The following IPO9 variants were observed in gnomAD, a reference collection of about 807,000 sequenced individuals.
IPO9 encodes the protein importin-9.
IPO9 carries 28 observed loss-of-function variants against 128.6 expected under a neutral mutation model. The observed-to-expected ratio is 0.22, with a 90% CI of 0.16 to 0.30. The LOEUF is 0.30. Ranked by LOEUF, IPO9 falls within the 10% of genes least tolerant of loss-of-function variation. The pLI, the probability that IPO9 is intolerant of heterozygous loss-of-function variation, is 1.00. For missense variants in IPO9, 935 were observed against 1,293.9 expected, an observed-to-expected ratio of 0.72 and a Z score of 4.26; for synonymous variants, 455 against 475.8, an observed-to-expected ratio of 0.96 and a Z score of 0.57.
chr1:201,833,270 G>T (rs1461252572), intron 1 of IPO9, among the ~76,000 whole-genome samples: 1 of 149,384 alleles, frequency 6.7e-6, no homozygotes, highest in East Asian at 2.0e-4. Flanking sequence ...ACAGAGTCTC[G>T]CTCTGTCACC....
chr1:201,864,575 A>G (rs1452565521), intron 14 of IPO9, among the ~76,000 whole-genome samples: 1 of 152,182 alleles, frequency 6.6e-6, no homozygotes, highest in South Asian at 2.1e-4. Flanking sequence ...TTCATTGGAG[A>G]ATTATCCACT....
At chr1:201,845,782 A>C (rs930000756) in intron 1 of IPO9, among the ~76,000 whole-genome samples, 7 of 152,212 alleles carry the variant, frequency 4.6e-5, no homozygotes, top group African/African-American at 1.2e-4. Flanking sequence ...CAGCCACATT[A>C]CAGGTACTTA....
intron 12 of IPO9, 121 bp downstream of exon 12, chr1:201,858,674 T>C (rs1680379002): frequency 1.2e-6 from 1 of 805,970 alleles, no homozygotes. Flanking sequence ...TAACAGATTT[T>C]AATCTCTTAT....
At chr1:201,857,221 C>T in intron 11 of IPO9, 27 bp downstream of exon 11, 3 of 1,384,642 alleles carry the variant, frequency 2.2e-6, no homozygotes, top group Non-Finnish European at 2.1e-6. Context: ...ACTTCAGCCA[C>T]ATAATTTCTA....
At position 201,881,415 on chromosome 1, in the gene IPO9, GT is replaced by G. The variant is rs1680881854; in HGVS notation, c.*5365del. 6.6e-6 allele frequency: 1 copy of G among 152,180 alleles called. No homozygotes were observed. Among genetic ancestry groups the G allele is most frequent in the African/African-American group, 2.4e-5 (1 of 41,438 alleles). The allele number at this position is 152,180 out of a possible 1,614,324, so 9.4% of individuals were successfully genotyped here. On this transcript the variant is annotated 3_prime_UTR_variant, in exon 24 of 24. Coordinates refer to ENST00000361565, the MANE Select transcript of IPO9 (RefSeq NM_018085.5). Reference sequence around the variant, plus strand: ...AGCAGCTTGTACTTGTTGCCTATTTGTTTTGCCTTTCCTGTGCATTTGCCAG... The same window carrying G: ...AGCAGCTTGTACTTGTTGCCTATTTGTTTGCCTTTCCTGTGCATTTGCCAG...
chr1:201,834,217 T>G lies in IPO9; in HGVS notation c.163+4845T>G, dbSNP rs901930756. Among the ~76,000 whole-genome samples the G allele has an allele frequency of 7.2e-5, 11 of 151,842 alleles. No homozygotes were observed. The East Asian group carries it at 2.1e-3, about 29-fold the overall frequency. ...AAAAACTTTTCTTTTCTTTTTTTTT[T>G]TTGTTGCACTGCTAAGAGTCTAAAG... On this transcript the variant is annotated intron_variant, in intron 1 of 23. Transcript: ENST00000361565.
chr1:201,873,917 A>G (rs1369255153), intron 20 of IPO9, among the ~76,000 whole-genome samples: 1 of 152,136 alleles, frequency 6.6e-6, no homozygotes, highest in African/African-American at 2.4e-5. Flanking sequence ...TTTAATGTAG[A>G]TTTATAATTA....
rs1333326451 is a variant in IPO9 at position 201,880,552 on chromosome 1, A to G, written c.*4498A>G. Reference sequence around the variant, plus strand: ...AATACATACTATACTTTTGCACCCCAGCTAAGCTGACCCATGATCAGTAAG... The same window carrying G: ...AATACATACTATACTTTTGCACCCCGGCTAAGCTGACCCATGATCAGTAAG... On this transcript the variant is annotated 3_prime_UTR_variant, in exon 24 of 24. Coordinates refer to ENST00000361565, the MANE Select transcript of IPO9 (RefSeq NM_018085.5). The G allele has an allele frequency of 3.3e-5, 5 of 152,232 alleles. No individual in the cohort carries two copies. The highest frequency in any genetic ancestry group is 1.2e-4 in the African/African-American group (5 of 41,452). 9.4% of individuals were successfully genotyped at this position (152,232 alleles called of 1,614,324 possible). A position where few individuals can be genotyped will look rare whatever the true frequency, so the allele number is the denominator to read the frequency against.
rs768340407 is a variant in IPO9 at position 201,876,180 on chromosome 1, C to T, written c.*126C>T. On this transcript the variant is annotated 3_prime_UTR_variant, in exon 24 of 24. Transcript: ENST00000361565. ...CATCTTGACCCTTGGCCCTTGGCCT[C>T]GGCAGTGACACTGATGACAATTCAG... is the stretch of plus-strand genomic sequence containing the variant. 5 of 775,678 alleles carry T rather than the reference C, an allele frequency of 6.4e-6. No individual in the cohort carries two copies. Among genetic ancestry groups the T allele is most frequent in the South Asian group, 4.1e-5 (3 of 72,918 alleles). 48.0% of individuals were successfully genotyped at this position (775,678 alleles called of 1,614,324 possible).
intron 17 of IPO9, 129 bp downstream of exon 17, chr1:201,869,847 G>A (rs1296823733): frequency 1.7e-6 from 2 of 1,181,098 alleles, no homozygotes; most frequent in African/African-American, 3.1e-5. Flanking sequence ...TTACTTAGCA[G>A]ATTCAGGAAG....
chr1:201,853,198 A>T lies in IPO9; in HGVS notation c.690+101A>T, dbSNP rs549573335. On this transcript the variant is annotated intron_variant, in intron 6 of 23. Coordinates refer to ENST00000361565, the MANE Select transcript of IPO9 (RefSeq NM_018085.5). ...GATAGCAGCACGAAAAAGCACACTA[A>T]CCAGTATTAGAGATAGATTTAACAT... 4.6e-6 allele frequency: 4 copies of T among 874,726 alleles called. No homozygotes were observed. The South Asian group carries it at 5.4e-5, about 12-fold the overall frequency. 54.2% of individuals were successfully genotyped at this position (874,726 alleles called of 1,614,324 possible).
intron 9 of IPO9, 146 bp from the exon 10 acceptor site, chr1:201,855,637 C>A: frequency 1.4e-6 from 1 of 690,792 alleles, no homozygotes; most frequent in Non-Finnish European, 2.3e-6. Flanking sequence ...GACCTCTGAG[C>A]CCTCTCTCCC....
rs147180948 is a variant in IPO9 at position 201,835,338 on chromosome 1, A to T, written c.163+5966A>T. On this transcript the variant is annotated intron_variant, in intron 1 of 23. Transcript: ENST00000361565. Reference sequence around the variant, plus strand: ...CCCTTCTAAACCAAGTTTTAGATAGATAATGTTTTTGCCATATGGGGTGAT... The same window carrying T: ...CCCTTCTAAACCAAGTTTTAGATAGTTAATGTTTTTGCCATATGGGGTGAT... Among the ~76,000 whole-genome samples the T allele has an allele frequency of 2.1e-4, 32 of 152,376 alleles. No individual in the cohort carries two copies. The East Asian group carries it at 6.0e-3, about 28-fold the overall frequency.
At chr1:201,847,483 A>G (rs1380859845) in intron 2 of IPO9, 69 bp from the exon 3 acceptor site, 1 of 1,394,534 alleles carries the variant, frequency 7.2e-7, no homozygotes, top group Non-Finnish European at 1.0e-6. Context: ...GTATCAGGCT[A>G]TGTATATAGT....
rs1680598857 is a variant in IPO9, at chr1:201,868,745, G to C, written c.1953G>C (p.Leu651=). 6.2e-7 allele frequency: 1 copy of C among 1,613,792 alleles called. No homozygotes were observed. Among genetic ancestry groups the C allele is most frequent in the African/African-American group, 1.3e-5 (1 of 74,864 alleles). The stretch of plus-strand genomic sequence containing the variant: ...TGCAAATGAGGCTGATTCCCACTCT[G>C]GTCAGCATAATGCAGGCCCCAGCAG... ...GPMQMRLIPT[L]VSIMQAPADK... The change falls in exon 16 of 24, where the codon CTG becomes CTC. Residue 651 remains leucine, a synonymous_variant. Transcript: ENST00000361565.
chr1:201,872,606 AAACAACAACAAC>A (rs147575517), intron 19 of IPO9, among the ~76,000 whole-genome samples: 1 of 147,740 alleles, frequency 6.8e-6, no homozygotes, highest in African/African-American at 2.6e-5. Flanking sequence ...CCTATCTCAA[AAACAACAACAAC>A]AACAACAACA....
intron 12 of IPO9, 109 bp downstream of exon 12, chr1:201,858,662 A>G: frequency 1.2e-6 from 1 of 851,792 alleles, no homozygotes; most frequent in Non-Finnish European, 1.8e-6. Flanking sequence ...GTTTTAATTT[A>G]ATAACAGATT....
At position 201,874,281 on chromosome 1, in the gene IPO9, G is replaced by T. The variant is rs1359730292; in HGVS notation, c.2742G>T (p.Leu914=). Residue 914 remains leucine, a synonymous_variant, in exon 21 of 24, where the codon CTG becomes CTT. Coordinates refer to ENST00000361565, the MANE Select transcript of IPO9 (RefSeq NM_018085.5). The stretch of plus-strand genomic sequence containing the variant: ...AACGCTGGACAAACATTCCTTTGCT[G>T]GTCAAGATCCTAAAGCTGATCATCA... ...NPERWTNIPL[L]VKILKLIINE... The T allele has an allele frequency of 6.2e-7, 1 of 1,613,886 alleles. No individual in the cohort carries two copies. The highest frequency in any genetic ancestry group is 2.2e-5 in the East Asian group (1 of 44,876).
chr1:201,840,510 C>T (rs1174236511), intron 1 of IPO9, among the ~76,000 whole-genome samples: 1 of 152,196 alleles, frequency 6.6e-6, no homozygotes, highest in Non-Finnish European at 1.5e-5. Context: ...AATGCACTTA[C>T]CTCTTGACCC....
Sources: gnomAD v4.1 joint callset for allele counts (sites outside exome capture counted in the v4.1 genomes callset) on GRCh38, gnomAD v4.1.1 for gene constraint, MANE v1.5 for transcripts, NCBI Gene and HGNC (gene_info 2026-07-23, HGNC 2026-07-21) for gene names.